The following MSRB3 variants were observed in gnomAD, a reference collection of about 807,000 sequenced individuals.
The protein encoded by MSRB3 is methionine sulfoxide reductase B3.
MSRB3 carries 13 observed loss-of-function variants against 21.0 expected under a neutral mutation model. The ratio of observed to expected loss-of-function variants is 0.62; its 90% CI spans 0.40 to 0.98. The LOEUF is 0.98. Among genes scored for constraint, MSRB3 ranks in the 50% least tolerant of loss-of-function variants. The pLI is 0.00. For missense variants in MSRB3, 199 were observed against 230.3 expected (o/e 0.86, Z 0.88); for synonymous variants, 87 against 88.6 (o/e 0.98, Z 0.10).
intron 5 of MSRB3, among the ~76,000 whole-genome samples, chr12:65,447,176 G>A (rs1015457040): frequency 6.6e-6 from 1 of 152,168 alleles, no homozygotes; most frequent in East Asian, 1.9e-4. Context: ...ATATTCAGAG[G>A]AAAGGCTTGC....
At chr12:65,283,798 A>G (rs1212548974) in intron 1 of MSRB3, 1 of 152,090 alleles carries the variant, frequency 6.6e-6, no homozygotes, top group African/African-American at 2.4e-5. Flanking sequence ...TTTTTCAGAT[A>G]CTCTGATGCT....
chr12:65,287,782 G>T (rs1255296327), intron 1 of MSRB3, among the ~76,000 whole-genome samples: 4 of 152,138 alleles, frequency 2.6e-5, no homozygotes, highest in Non-Finnish European at 4.4e-5. Flanking sequence ...GTTTACCTGC[G>T]TGCAGAGCCA....
chr12:65,413,892 A>AACAT (rs1211809941), intron 5 of MSRB3, among the ~76,000 whole-genome samples: 1 of 152,192 alleles, frequency 6.6e-6, no homozygotes, highest in Non-Finnish European at 1.5e-5. Context: ...CATGTAAGCA[A>AACAT]ACATATGCAG....
intron 5 of MSRB3, among the ~76,000 whole-genome samples, chr12:65,447,947 G>T (rs1231933905): frequency 6.6e-6 from 1 of 152,182 alleles, no homozygotes; most frequent in African/African-American, 2.4e-5. Context: ...AAAATAAAAA[G>T]AAGTGTGGCA....
intron 5 of MSRB3, among the ~76,000 whole-genome samples, chr12:65,396,898 G>A (rs1337046623): frequency 1.3e-5 from 2 of 152,088 alleles, no homozygotes; most frequent in African/African-American, 4.8e-5. Context: ...GTGTTGTTAA[G>A]TTCAACTATT....
rs1313627984 is a variant in MSRB3 at position 65,326,935 on chromosome 12, G to T, written c.185+1G>T. 2 of 1,610,168 alleles carry T rather than the reference G, an allele frequency of 1.2e-6. No homozygotes were observed. Among genetic ancestry groups the T allele is most frequent in the Admixed American group, 1.7e-5 (1 of 59,802 alleles). ...TCACTCAGGAGAAAGGGACCGAAAG[G>T]TAAGGTGAGCTTTAATAAAAAGTCA... On this transcript the variant is annotated splice_donor_variant, in intron 3 of 6. Transcript: ENST00000308259. LOFTEE classifies it high-confidence loss of function.
chr12:65,329,647 C>CAA (rs11443001), intron 4 of MSRB3, among the ~76,000 whole-genome samples: 6 of 84,822 alleles, frequency 7.1e-5, no homozygotes, highest in Admixed American at 1.4e-4. Flanking sequence ...GATTCCGTCT[C>CAA]AAAAAAAAAA....
intron 4 of MSRB3, among the ~76,000 whole-genome samples, chr12:65,343,380 T>G (rs1371949225): frequency 6.6e-6 from 1 of 152,062 alleles, no homozygotes; most frequent in East Asian, 1.9e-4. Context: ...GTTTCAAATT[T>G]TCTCCCTCCT....
At chr12:65,376,145 A>T (rs1170590325) in intron 5 of MSRB3, among the ~76,000 whole-genome samples, 2 of 121,928 alleles carry the variant, frequency 1.6e-5, no homozygotes, top group African/African-American at 6.2e-5. Flanking sequence ...TTTGAGACGG[A>T]GTCTCGCTCT....
intron 5 of MSRB3, among the ~76,000 whole-genome samples, chr12:65,393,182 A>G (rs908114207): frequency 1.3e-5 from 2 of 151,414 alleles, no homozygotes; most frequent in African/African-American, 2.4e-5. Flanking sequence ...TACCTTTGCT[A>G]TTGTCTTATA....
chr12:65,295,905 C>T, intron 1 of MSRB3, among the ~76,000 whole-genome samples: 1 of 152,136 alleles, frequency 6.6e-6, no homozygotes. Flanking sequence ...TTCTCAGGGT[C>T]ACAATGCACA....
intron 5 of MSRB3, among the ~76,000 whole-genome samples, chr12:65,384,661 CCTT>C (rs1392870517): frequency 6.6e-6 from 1 of 151,988 alleles, no homozygotes; most frequent in East Asian, 1.9e-4. Flanking sequence ...TCAAATTGTG[CCTT>C]CTTTTTAGCC....
chr12:65,450,983 G>T (rs1014150689), intron 5 of MSRB3, among the ~76,000 whole-genome samples: 1 of 151,926 alleles, frequency 6.6e-6, no homozygotes, highest in African/African-American at 2.4e-5. Flanking sequence ...TTACCTTTCT[G>T]ATGTACTCTT....
At chr12:65,403,954 A>T (rs886906622) in intron 5 of MSRB3, among the ~76,000 whole-genome samples, 1 of 152,182 alleles carries the variant, frequency 6.6e-6, no homozygotes, top group Non-Finnish European at 1.5e-5. Flanking sequence ...AACCAGTCCC[A>T]GTGAGATGAG....
At chr12:65,280,960 GCTCATGC>G (rs1381039043) in intron 1 of MSRB3, among the ~76,000 whole-genome samples, 2 of 152,182 alleles carry the variant, frequency 1.3e-5, no homozygotes, top group Admixed American at 1.3e-4. Flanking sequence ...ACGTGTGGTG[GCTCATGC>G]CTGTAATGCA....
At chr12:65,428,974 T>C (rs562362928) in intron 5 of MSRB3, among the ~76,000 whole-genome samples, 1 of 152,100 alleles carries the variant, frequency 6.6e-6, no homozygotes, top group Admixed American at 6.5e-5. Context: ...TACTTACCAG[T>C]CTCTATTGTC....
At chr12:65,365,970 T>C (rs1877986371) in intron 4 of MSRB3, among the ~76,000 whole-genome samples, 1 of 152,080 alleles carries the variant, frequency 6.6e-6, no homozygotes, top group Admixed American at 6.6e-5. Context: ...TTGCTCTTTT[T>C]TGGGGGAGGG....
At chr12:65,384,730 C>G (rs932330669) in intron 5 of MSRB3, among the ~76,000 whole-genome samples, 1 of 152,028 alleles carries the variant, frequency 6.6e-6, no homozygotes, top group Non-Finnish European at 1.5e-5. Flanking sequence ...TTGTGATATT[C>G]TTAAATACAT....
intron 1 of MSRB3, among the ~76,000 whole-genome samples, chr12:65,298,078 ACTGCAGCCT>A (rs1284251270): frequency 4.0e-5 from 6 of 151,478 alleles, no homozygotes; most frequent in Non-Finnish European, 4.4e-5. Context: ...ATCTTGGCTC[ACTGCAGCCT>A]TGATCTCCTG....
Sources: gnomAD v4.1 joint callset for allele counts (sites outside exome capture counted in the v4.1 genomes callset) on GRCh38, gnomAD v4.1.1 for gene constraint, MANE v1.5 for transcripts, NCBI Gene and HGNC (gene_info 2026-07-23, HGNC 2026-07-21) for gene names.